The following RCL1 variants were observed in gnomAD, a reference collection of about 807,000 sequenced individuals.
RCL1 encodes the protein RNA terminal phosphate cyclase like 1.
Under a neutral mutation model 42.4 loss-of-function variants are expected in RCL1, and 24 were observed. The ratio of observed to expected loss-of-function variants is 0.57; its 90% confidence interval spans 0.41 to 0.80. RCL1 has a LOEUF of 0.80. Ranked by LOEUF, RCL1 falls within the 30% of genes least tolerant of loss-of-function variation. The pLI is 0.00. For synonymous variants in RCL1, 228 were observed against 177.3 expected, an observed-to-expected ratio of 1.29 and a Z score of -2.27; for missense variants, 578 against 467.9, an observed-to-expected ratio of 1.24 and a Z score of -2.17.
intron 3 of RCL1, 94 bp from the exon 4 acceptor site, chr9:4,833,060 A>G (rs1417001408): frequency 1.7e-5 from 14 of 815,030 alleles, no homozygotes; most frequent in Admixed American, 5.4e-5. Context: ...ACACTGCATC[A>G]TCTACCTGGT....
At chr9:4,853,506 A>G (rs971928921) in intron 8 of RCL1, among the ~76,000 whole-genome samples, 14 of 152,034 alleles carry the variant, frequency 9.2e-5, no homozygotes, top group Admixed American at 2.0e-4. Context: ...TATTTTTAGT[A>G]GAGACGGGGT....
intron 5 of RCL1, among the ~76,000 whole-genome samples, chr9:4,835,827 C>T (rs461068): frequency 2.0e-5 from 3 of 151,998 alleles, no homozygotes; most frequent in African/African-American, 7.3e-5. Context: ...AAAATGAGAT[C>T]GTAGTTGCAC....
intron 1 of RCL1, among the ~76,000 whole-genome samples, chr9:4,809,081 A>T (rs761172738): frequency 6.6e-6 from 1 of 151,512 alleles, no homozygotes; most frequent in Non-Finnish European, 1.5e-5. Flanking sequence ...TCATTATTCC[A>T]TTGCAGTATA....
chr9:4,845,097 C>G lies in RCL1; in HGVS notation c.867+416C>G, dbSNP rs187925920. On this transcript the variant is annotated intron_variant, in intron 7 of 8. Coordinates refer to ENST00000381750, the MANE Select transcript of RCL1 (RefSeq NM_005772.5). ...AGATCTTTTAAGAGAAGCTAGAAAT[C>G]TGGATTTGTATGTGACAGTTGATTC... is the stretch of plus-strand genomic sequence containing the variant. 7.2e-5 allele frequency among the ~76,000 whole-genome samples: 11 copies of G among 152,282 alleles called. No homozygotes were observed. In the East Asian group the frequency reaches 2.1e-3, roughly 29 times the overall value.
intron 1 of RCL1, among the ~76,000 whole-genome samples, chr9:4,803,084 C>T (rs753742179): frequency 6.6e-6 from 1 of 151,686 alleles, no homozygotes; most frequent in Non-Finnish European, 1.5e-5. Context: ...TGGGCTCAAG[C>T]AGTCCTCCTG....
chr9:4,825,821 C>A (rs1048115032), intron 2 of RCL1, among the ~76,000 whole-genome samples: 2 of 151,722 alleles, frequency 1.3e-5, no homozygotes, highest in Non-Finnish European at 2.9e-5. Flanking sequence ...GAGTAAGAAG[C>A]TTTTTGGATA....
intron 2 of RCL1, 65 bp downstream of exon 2, chr9:4,823,684 T>G: frequency 8.5e-7 from 1 of 1,174,582 alleles, no homozygotes; most frequent in Non-Finnish European, 1.2e-6. Flanking sequence ...TCTCACTCTT[T>G]TTTTTCTTTC....
At chr9:4,806,020 GT>G (rs1391184440) in intron 1 of RCL1, among the ~76,000 whole-genome samples, 42 of 86,824 alleles carry the variant, frequency 4.8e-4, no homozygotes, top group South Asian at 2.6e-3. Context: ...CCATTGGGGT[GT>G]GTGTGTGTGT....
At chr9:4,805,167 A>T (rs559369713) in intron 1 of RCL1, among the ~76,000 whole-genome samples, 2 of 152,340 alleles carry the variant, frequency 1.3e-5, no homozygotes, top group South Asian at 4.1e-4. Flanking sequence ...AGCCTGGGCA[A>T]TGTGGTGAGA....
chr9:4,857,601 G>A (rs2129752685), intron 8 of RCL1, among the ~76,000 whole-genome samples: 1 of 152,272 alleles, frequency 6.6e-6, no homozygotes, highest in East Asian at 1.9e-4. Flanking sequence ...GTGGGTGTAT[G>A]TTTTCATTTC....
chr9:4,844,418 G>C, intron 6 of RCL1, 107 bp from the exon 7 acceptor site: 1 of 819,860 alleles, frequency 1.2e-6, no homozygotes, highest in East Asian at 2.6e-5. Context: ...AGAAGCCTTT[G>C]AACACAGTGC....
chr9:4,823,449 C>T lies in RCL1; in HGVS notation c.137-99C>T, dbSNP rs532685711. On this transcript the variant is annotated intron_variant, in intron 1 of 8. Transcript: ENST00000381750. ...TGTGATGCAGGAAGTAACCTGCCCT[C>T]TACCACAGTACCTGAATCAGGCATG... The T allele has an allele frequency of 3.8e-4, 338 of 899,932 alleles. 3 individuals carry two copies. The South Asian group carries it at 5.1e-3, about 14-fold the overall frequency. The allele number at this position is 899,932 out of a possible 1,614,324, so 55.7% of individuals were successfully genotyped here. A position where few individuals can be genotyped will look rare whatever the true frequency, so the allele number is the denominator to read the frequency against.
chr9:4,850,641 A>G (rs1025544620), intron 8 of RCL1, among the ~76,000 whole-genome samples: 2 of 152,084 alleles, frequency 1.3e-5, no homozygotes, highest in Non-Finnish European at 1.5e-5. Flanking sequence ...GTGTAAAAGT[A>G]TTTCGTAGGA....
intron 1 of RCL1, among the ~76,000 whole-genome samples, chr9:4,805,592 C>G (rs10815083): frequency 0.32 from 48,220 of 152,026 alleles, 7,987 homozygotes; most frequent in South Asian, 0.42. Flanking sequence ...AAGTGGCCAG[C>G]CTGTACTCTC....
At chr9:4,797,542 G>C (rs1041377133) in intron 1 of RCL1, among the ~76,000 whole-genome samples, 1 of 152,164 alleles carries the variant, frequency 6.6e-6, no homozygotes, top group African/African-American at 2.4e-5. Flanking sequence ...CTTGGCAGAG[G>C]GGAATGCTAC....
chr9:4,830,188 C>T (rs922524349), intron 3 of RCL1, among the ~76,000 whole-genome samples: 1 of 152,140 alleles, frequency 6.6e-6, no homozygotes. Context: ...TTTGAGAGAA[C>T]AGTGTTATTG....
intron 8 of RCL1, chr9:4,850,412 G>A (rs1239802781): frequency 1.2e-5 from 6 of 494,320 alleles, no homozygotes; most frequent in Non-Finnish European, 2.6e-5. Context: ...ACTGCGGTGG[G>A]GCTATGCACC....
chr9:4,801,143 C>A (rs1339245898), intron 1 of RCL1, among the ~76,000 whole-genome samples: 3 of 152,082 alleles, frequency 2.0e-5, no homozygotes, highest in Non-Finnish European at 4.4e-5. Flanking sequence ...GTCTTTTGTC[C>A]ATTTCTAATA....
chr9:4,806,018 G>A (rs935352945), intron 1 of RCL1, among the ~76,000 whole-genome samples: 4 of 26,092 alleles, frequency 1.5e-4, no homozygotes, highest in African/African-American at 2.7e-4. Flanking sequence ...TACCATTGGG[G>A]TGTGTGTGTG....
Sources: gnomAD v4.1 joint callset for allele counts (sites outside exome capture counted in the v4.1 genomes callset) on GRCh38, gnomAD v4.1.1 for gene constraint, MANE v1.5 for transcripts, NCBI Gene and HGNC (gene_info 2026-07-23, HGNC 2026-07-21) for gene names.